USH2A: variants seen among roughly 807,000 people sequenced by gnomAD.
The protein encoded by USH2A is Usher syndrome 2A (autosomal recessive, mild).
In USH2A, 443 loss-of-function variants were observed where a neutral mutation model predicts 538.9. The observed-to-expected ratio is 0.82, with a 90% CI of 0.76 to 0.89. The LOEUF (loss-of-function observed/expected upper bound fraction) is 0.89. Ranked by LOEUF, USH2A falls within the 40% of genes least tolerant of loss-of-function variation. The pLI, the probability that USH2A is intolerant of heterozygous loss-of-function variation, is 0.00. For missense variants in USH2A, 6,633 were observed against 6,324.8 expected (o/e 1.05, Z -1.65); for synonymous variants, 2,413 against 2,273.5 (o/e 1.06, Z -1.75).
chr1:216,110,349 A>G (rs1391942425), intron 21 of USH2A, among the ~76,000 whole-genome samples: 1 of 152,130 alleles, frequency 6.6e-6, no homozygotes, highest in Non-Finnish European at 1.5e-5. Context: ...ACAAAAGAAA[A>G]CAAAAAACTA....
At chr1:216,110,911 C>G (rs1322325043) in intron 21 of USH2A, among the ~76,000 whole-genome samples, 1 of 152,138 alleles carries the variant, frequency 6.6e-6, no homozygotes, top group African/African-American at 2.4e-5. Context: ...CAGACTGTCT[C>G]TTTCTTGTTG....
At chr1:215,745,779 T>C (rs1660453236) in intron 58 of USH2A, among the ~76,000 whole-genome samples, 1 of 152,182 alleles carries the variant, frequency 6.6e-6, no homozygotes, top group African/African-American at 2.4e-5. Flanking sequence ...TCCTTGATAA[T>C]GGAGTCTTAG....
intron 44 of USH2A, among the ~76,000 whole-genome samples, chr1:215,851,777 C>G (rs1449866193): frequency 6.6e-6 from 1 of 151,714 alleles, no homozygotes; most frequent in Non-Finnish European, 1.5e-5. Flanking sequence ...AACATAGATG[C>G]AGAAATCCTT....
At chr1:215,967,376 C>A (rs1298143032) in intron 36 of USH2A, among the ~76,000 whole-genome samples, 2 of 152,046 alleles carry the variant, frequency 1.3e-5, no homozygotes, top group African/African-American at 2.4e-5. Context: ...ATCATATTGG[C>A]CAGGCTGGTC....
At chr1:215,680,463 C>T in intron 61 of USH2A, 87 bp from the exon 62 acceptor site, 1 of 1,365,080 alleles carries the variant, frequency 7.3e-7, no homozygotes, top group Non-Finnish European at 1.0e-6. Flanking sequence ...AACCTCATGG[C>T]CAAAGCTTGT....
chr1:215,947,602 G>T (rs1289305642), intron 37 of USH2A, among the ~76,000 whole-genome samples: 1 of 152,158 alleles, frequency 6.6e-6, no homozygotes, highest in Non-Finnish European at 1.5e-5. Flanking sequence ...AGAAGGCACA[G>T]ATTCTGTTTA....
chr1:216,110,077 A>G (rs1456274250), intron 21 of USH2A, among the ~76,000 whole-genome samples: 3 of 152,220 alleles, frequency 2.0e-5, no homozygotes, highest in African/African-American at 7.2e-5. Flanking sequence ...TTCTCTTTCT[A>G]GCTTTCAATA....
chr1:216,089,457 C>A (rs2032241244), intron 22 of USH2A, among the ~76,000 whole-genome samples: 1 of 151,820 alleles, frequency 6.6e-6, no homozygotes, highest in South Asian at 2.1e-4. Flanking sequence ...ATTTTCTATT[C>A]TAAAATTTTA....
chr1:216,213,945 A>G (rs181800894), intron 15 of USH2A, among the ~76,000 whole-genome samples: 5 of 152,232 alleles, frequency 3.3e-5, no homozygotes, highest in Admixed American at 3.3e-4. Flanking sequence ...AATACACATG[A>G]AAAGTTGTTC....
At chr1:215,867,234 A>C in intron 43 of USH2A, 64 bp from the exon 44 acceptor site, 1 of 1,547,582 alleles carries the variant, frequency 6.5e-7, no homozygotes, top group Non-Finnish European at 8.8e-7. Context: ...CTAACAAATA[A>C]TTTCTTTTTT....
At chr1:215,714,814 AT>A (rs1659435930) in intron 61 of USH2A, among the ~76,000 whole-genome samples, 1 of 152,158 alleles carries the variant, frequency 6.6e-6, no homozygotes, top group Admixed American at 6.5e-5. Flanking sequence ...CCTATATGGA[AT>A]TTTTAAGTGC....
intron 3 of USH2A, among the ~76,000 whole-genome samples, chr1:216,379,145 G>A (rs1470525997): frequency 6.6e-6 from 1 of 152,086 alleles, no homozygotes; most frequent in Non-Finnish European, 1.5e-5. Context: ...AGCTGACCCA[G>A]ACTGTCACTC....
chr1:216,085,199 A>G (rs1479199862), intron 24 of USH2A: 1 of 295,216 alleles, frequency 3.4e-6, no homozygotes. Context: ...ATAAAGTACT[A>G]TAATTTTAAA....
At chr1:216,340,081 AAAAT>A (rs2038047679) in intron 4 of USH2A, among the ~76,000 whole-genome samples, 1 of 150,958 alleles carries the variant, frequency 6.6e-6, no homozygotes. Context: ...ACAAACAAAC[AAAAT>A]AGACTGCTAG....
At chr1:216,405,076 G>C (rs984858521) in intron 3 of USH2A, among the ~76,000 whole-genome samples, 1 of 151,980 alleles carries the variant, frequency 6.6e-6, no homozygotes, top group Non-Finnish European at 1.5e-5. Context: ...GGCTGGTCTC[G>C]AAGTCCTGGG....
intron 4 of USH2A, among the ~76,000 whole-genome samples, chr1:216,346,517 G>A (rs1242615731): frequency 6.6e-6 from 1 of 152,004 alleles, no homozygotes; most frequent in Non-Finnish European, 1.5e-5. Context: ...ATACACTTTT[G>A]AGAATGGCTA....
chr1:215,737,504 A>G (rs1660188757), intron 60 of USH2A, among the ~76,000 whole-genome samples: 3 of 151,946 alleles, frequency 2.0e-5, no homozygotes, highest in Non-Finnish European at 4.4e-5. Flanking sequence ...ATTTTCTGGT[A>G]AATATTTCTG....
At chr1:216,209,931 A>G in intron 15 of USH2A, among the ~76,000 whole-genome samples, 1 of 152,132 alleles carries the variant, frequency 6.6e-6, no homozygotes, top group East Asian at 1.9e-4. Context: ...AAGGCAGGCC[A>G]GGGAAACTAA....
chr1:216,136,014 A>G (rs2033481018), intron 21 of USH2A, among the ~76,000 whole-genome samples: 1 of 152,124 alleles, frequency 6.6e-6, no homozygotes, highest in South Asian at 2.1e-4. Context: ...ATATTGTAAT[A>G]AGTGTGAAGA....
Sources: allele counts gnomAD v4.1 joint callset (sites outside exome capture counted in the v4.1 genomes callset), GRCh38; gene constraint gnomAD v4.1.1; transcripts MANE v1.5; gene names NCBI Gene and HGNC (gene_info 2026-07-23, HGNC 2026-07-21).